Variants in CRB1 observed in about 807,000 individuals in gnomAD.
The protein encoded by CRB1 is crumbs cell polarity complex component 1, also known as protein crumbs homolog 1.
Under a neutral mutation model 120.0 loss-of-function variants are expected in CRB1, and 83 were observed. That is an observed-to-expected ratio of 0.69 (90% CI 0.58 to 0.83). The LOEUF is 0.83. Among genes scored for constraint, CRB1 ranks in the 40% least tolerant of loss-of-function variants. The pLI is 0.00. For synonymous variants in CRB1, 625 were observed against 612.5 expected, an observed-to-expected ratio of 1.02 and a Z score of -0.30; for missense variants, 1,699 against 1,687.6, an observed-to-expected ratio of 1.01 and a Z score of -0.12.
chr1:197,476,892 T>C (rs1343408846), intron 11 of CRB1, among the ~76,000 whole-genome samples: 1 of 152,226 alleles, frequency 6.6e-6, no homozygotes, highest in African/African-American at 2.4e-5. Context: ...CACAGTTTCA[T>C]GTTAGCCATT....
At chr1:197,331,998 C>T (rs1004549906) in intron 2 of CRB1, among the ~76,000 whole-genome samples, 3 of 151,912 alleles carry the variant, frequency 2.0e-5, no homozygotes, top group Non-Finnish European at 2.9e-5. Context: ...CATGGTGAAA[C>T]CACATCTCTA....
the CRB1 span, among the ~76,000 whole-genome samples, chr1:197,237,222 A>G: frequency 2.6e-5 from 4 of 152,192 alleles, no homozygotes; most frequent in South Asian, 6.2e-4. Context: ...TTTATTACAT[A>G]TTACCTTTCT....
At chr1:197,267,446 T>A (rs545427403), upstream of CRB1, among the ~76,000 whole-genome samples, 1 of 152,274 alleles carries the variant, frequency 6.6e-6, no homozygotes, top group Admixed American at 6.5e-5. Context: ...ATATGTTATA[T>A]AGTTAAATAT....
At chr1:197,211,223 G>A in the CRB1 span, among the ~76,000 whole-genome samples, 1 of 151,968 alleles carries the variant, frequency 6.6e-6, no homozygotes, top group Non-Finnish European at 1.5e-5. Context: ...ATTATTTTGT[G>A]AACCACACCA....
chr1:197,214,489 C>T, the CRB1 span, among the ~76,000 whole-genome samples: 2 of 151,960 alleles, frequency 1.3e-5, no homozygotes, highest in African/African-American at 4.8e-5. Context: ...ATTTTGGTAC[C>T]CATGGGTGGT....
the CRB1 span, among the ~76,000 whole-genome samples, chr1:197,252,582 A>ATATATATATTTG: frequency 1.3e-4 from 2 of 15,512 alleles, no homozygotes; most frequent in African/African-American, 1.6e-4. Context: ...ATATATATAT[A>ATATATATATTTG]TGTGTGTGTG....
intron 11 of CRB1, among the ~76,000 whole-genome samples, chr1:197,462,888 C>T (rs1175702960): frequency 3.4e-5 from 5 of 147,654 alleles, no homozygotes; most frequent in South Asian, 2.2e-4. Flanking sequence ...CAATGCAGAT[C>T]TTTTTTTTTT....
intron 1 of CRB1, among the ~76,000 whole-genome samples, chr1:197,291,267 A>C (rs1341166341): frequency 1.3e-5 from 2 of 151,876 alleles, no homozygotes; most frequent in Non-Finnish European, 2.9e-5. Flanking sequence ...GTGAGTGGAC[A>C]TGTGTCTTTT....
At position 197,405,689 on chromosome 1, in the gene CRB1, G is replaced by A. The variant is rs1399392614; in HGVS notation, c.1172-15311G>A. On this transcript the variant is annotated intron_variant, in intron 5 of 11. Coordinates refer to ENST00000367400, the MANE Select transcript of CRB1 (RefSeq NM_201253.3). ...ATGTGGGGAGCGCCTCTGCCCTGCC[G>A]CCCCGTCTGGGAGGTGAGGAGCGTC... Among the ~76,000 whole-genome samples the A allele has an allele frequency of 7.3e-5, 11 of 150,298 alleles. No individual in the cohort carries two copies. The South Asian group carries it at 8.5e-4, about 12-fold the overall frequency.
chr1:197,276,474 T>C (rs1456847210), intron 1 of CRB1, among the ~76,000 whole-genome samples: 1 of 151,820 alleles, frequency 6.6e-6, no homozygotes, highest in African/African-American at 2.4e-5. Context: ...CAGTAGTGAA[T>C]AGAAGAGACC....
At chr1:197,266,629 A>G (rs1323171416), upstream of CRB1, among the ~76,000 whole-genome samples, 2 of 152,196 alleles carry the variant, frequency 1.3e-5, no homozygotes, top group Non-Finnish European at 2.9e-5. Flanking sequence ...TATAATGGCT[A>G]TATCCACTTA....
chr1:197,420,421 T>C (rs1664243561), intron 5 of CRB1, among the ~76,000 whole-genome samples: 1 of 152,196 alleles, frequency 6.6e-6, no homozygotes, highest in South Asian at 2.1e-4. Context: ...CATCATGTTT[T>C]ACACTGGCAT....
chr1:197,366,088 T>C (rs1661059610), intron 5 of CRB1, among the ~76,000 whole-genome samples: 1 of 147,630 alleles, frequency 6.8e-6, no homozygotes, highest in African/African-American at 2.7e-5. Flanking sequence ...AGTGTTAACT[T>C]TCTCTTTATC....
At chr1:197,463,237 CTGTT>C (rs1202053289) in intron 11 of CRB1, among the ~76,000 whole-genome samples, 2 of 152,138 alleles carry the variant, frequency 1.3e-5, no homozygotes, top group Non-Finnish European at 2.9e-5. Context: ...TATGCAGACA[CTGTT>C]TGTAAAGACA....
intron 5 of CRB1, among the ~76,000 whole-genome samples, chr1:197,382,779 T>C (rs1370243165): frequency 6.6e-6 from 1 of 152,166 alleles, no homozygotes; most frequent in Non-Finnish European, 1.5e-5. Context: ...CCAGGCACTG[T>C]TGCATGCCCT....
chr1:197,212,092 A>G, the CRB1 span, among the ~76,000 whole-genome samples: 1 of 152,180 alleles, frequency 6.6e-6, no homozygotes, highest in Non-Finnish European at 1.5e-5. Flanking sequence ...CTATACATCC[A>G]TTAGAATAAC....
Position 197,438,605 on chromosome 1 carries a change from A to G in CRB1, c.3808A>G (p.Asn1270Asp), listed in dbSNP as rs1341878632. The change falls in exon 10 of 12, where the codon AAT becomes GAT. Residue 1270 changes from asparagine to aspartate, a missense_variant. Asn to Asp is a conservative substitution (Grantham distance 23). Transcript: ENST00000367400. The stretch of plus-strand genomic sequence containing the variant: ...TGAGAAGACAAATCTCACTTGCTAC[A>G]ATGGAGGCAACTGCACAGAGTTCCA... ...GNEKTNLTCY[N>D]GGNCTEFQTE... The G allele has an allele frequency of 1.2e-6, 2 of 1,613,074 alleles. No homozygotes were observed. The highest frequency in any genetic ancestry group is 3.3e-5 in the Admixed American group (2 of 59,946).
chr1:197,238,228 T>A, the CRB1 span, among the ~76,000 whole-genome samples: 2 of 152,316 alleles, frequency 1.3e-5, no homozygotes, highest in East Asian at 1.9e-4. Flanking sequence ...ATAGTTTTTT[T>A]AATAAGTTTA....
chr1:197,372,986 A>G (rs1441960933), intron 5 of CRB1, among the ~76,000 whole-genome samples: 1 of 152,134 alleles, frequency 6.6e-6, no homozygotes, highest in Non-Finnish European at 1.5e-5. Flanking sequence ...GCATTGCTGA[A>G]TCTAAGGAAT....
Sources: gnomAD v4.1 joint callset for allele counts (sites outside exome capture counted in the v4.1 genomes callset) on GRCh38, gnomAD v4.1.1 for gene constraint, MANE v1.5 for transcripts, NCBI Gene and HGNC (gene_info 2026-07-23, HGNC 2026-07-21) for gene names.